PRKCE: variants seen among roughly 807,000 people sequenced by gnomAD.
PRKCE encodes protein kinase C epsilon type.
A neutral mutation model predicts 85.4 loss-of-function variants in PRKCE; 16 were observed. That is an observed-to-expected ratio of 0.19 (90% CI 0.13 to 0.28). The LOEUF is 0.28. Ranked by LOEUF, PRKCE falls within the 10% of genes least tolerant of loss-of-function variation. The pLI is 1.00. For missense variants in PRKCE, 573 were observed against 975.2 expected, an observed-to-expected ratio of 0.59 and a Z score of 5.49; for synonymous variants, 388 against 371.5, an observed-to-expected ratio of 1.04 and a Z score of -0.51.
intron 11 of PRKCE, among the ~76,000 whole-genome samples, chr2:46,103,071 C>T (rs1671390944): frequency 6.6e-6 from 1 of 152,176 alleles, no homozygotes; most frequent in Non-Finnish European, 1.5e-5. Flanking sequence ...GCATTGTCTC[C>T]TCCACCATTA....
chr2:45,700,883 T>A (rs891042975), intron 1 of PRKCE, among the ~76,000 whole-genome samples: 3 of 152,140 alleles, frequency 2.0e-5, no homozygotes, highest in Admixed American at 6.5e-5. Flanking sequence ...GACACAGAGA[T>A]AGGAGCTGTG....
At chr2:46,018,015 A>T (rs1706312805) in intron 10 of PRKCE, among the ~76,000 whole-genome samples, 3 of 152,220 alleles carry the variant, frequency 2.0e-5, no homozygotes, top group Non-Finnish European at 4.4e-5. Context: ...ACACACATGA[A>T]AAAGGGTCTG....
intron 2 of PRKCE, among the ~76,000 whole-genome samples, chr2:45,912,829 C>G (rs569698118): frequency 4.6e-5 from 7 of 152,228 alleles, no homozygotes; most frequent in African/African-American, 1.7e-4. Flanking sequence ...GCCACATGTA[C>G]ATTTGCAGTC....
chr2:45,995,280 TTTTGTTTG>T (rs562638414), intron 6 of PRKCE, among the ~76,000 whole-genome samples: 1 of 152,134 alleles, frequency 6.6e-6, no homozygotes, highest in African/African-American at 2.4e-5. Flanking sequence ...TTTGTTTGTT[TTTTGTTTG>T]TTTGTTTGTT....
intron 1 of PRKCE, among the ~76,000 whole-genome samples, chr2:45,841,121 A>G (rs150315744): frequency 2.6e-5 from 4 of 152,222 alleles, no homozygotes; most frequent in Non-Finnish European, 5.9e-5. Context: ...AGAGAGGTAG[A>G]TGGACAATGT....
At chr2:46,112,579 C>G (rs1251915102) in intron 11 of PRKCE, among the ~76,000 whole-genome samples, 1 of 151,764 alleles carries the variant, frequency 6.6e-6, no homozygotes, top group Non-Finnish European at 1.5e-5. Context: ...GGTACAGTGG[C>G]ACAATCTTGG....
intron 1 of PRKCE, among the ~76,000 whole-genome samples, chr2:45,687,141 C>T (rs918511345): frequency 6.6e-6 from 1 of 151,878 alleles, no homozygotes; most frequent in African/African-American, 2.4e-5. Flanking sequence ...TTCATGGAGC[C>T]CGAGTCCATG....
rs1195168657 is a variant in PRKCE, at chr2:45,652,267, C to T, written c.167C>T (p.Thr56Ile). 1 of 1,613,352 alleles carries T rather than the reference C, an allele frequency of 6.2e-7. No individual in the cohort carries two copies. Among genetic ancestry groups the T allele is most frequent in the South Asian group, 1.1e-5 (1 of 91,072 alleles). Residue 56 changes from threonine (T) to isoleucine (I), a missense_variant, in exon 1 of 15, where the codon ACC (threonine) becomes ATC (isoleucine). Thr to Ile is a moderately conservative substitution (Grantham distance 89). Coordinates refer to ENST00000306156, the MANE Select transcript of PRKCE (RefSeq NM_005400.3). This position sits in a 1 kb window ranked among gnomAD's most constrained non-coding sequence, Gnocchi z 7.7. ...GACTCGCGCATCGGCCAAACGGCCA[C>T]CAAGCAGAAGACCAACAGCCCGGCC... Reference protein sequence around the residue: ...VDDSRIGQTATKQKTNSPAWH... With the variant: ...VDDSRIGQTAIKQKTNSPAWH...
chr2:45,780,904 C>T (rs904047000), intron 1 of PRKCE, among the ~76,000 whole-genome samples: 2 of 152,230 alleles, frequency 1.3e-5, no homozygotes, highest in African/African-American at 4.8e-5. Flanking sequence ...CACTGCTGAG[C>T]CACTGAGGAC....
intron 11 of PRKCE, among the ~76,000 whole-genome samples, chr2:46,114,602 G>A (rs373549469): frequency 6.6e-6 from 1 of 151,490 alleles, no homozygotes; most frequent in South Asian, 2.1e-4. Flanking sequence ...TGTTTTTTTA[G>A]TAGAGATGGA....
At chr2:45,761,460 A>G (rs1684494624) in intron 1 of PRKCE, among the ~76,000 whole-genome samples, 1 of 152,078 alleles carries the variant, frequency 6.6e-6, no homozygotes, top group Admixed American at 6.5e-5. Context: ...TTTACCTACA[A>G]CACTTATGTC....
intron 13 of PRKCE, among the ~76,000 whole-genome samples, chr2:46,154,713 GT>G (rs1185993929): frequency 6.7e-6 from 1 of 150,296 alleles, no homozygotes; most frequent in Admixed American, 6.6e-5. Flanking sequence ...GGTTGACTCA[GT>G]AGCATTTTCT....
intron 2 of PRKCE, among the ~76,000 whole-genome samples, chr2:45,921,734 G>T (rs925302363): frequency 2.0e-5 from 3 of 152,152 alleles, no homozygotes; most frequent in African/African-American, 4.8e-5. Flanking sequence ...AGGGAGGCTG[G>T]GTTGTGGCCC....
intron 14 of PRKCE, among the ~76,000 whole-genome samples, chr2:46,172,234 C>T (rs1227542550): frequency 1.3e-5 from 2 of 152,110 alleles, no homozygotes; most frequent in African/African-American, 2.4e-5. Flanking sequence ...GGCCCTCTTT[C>T]CCCCCAGGCA....
intron 1 of PRKCE, among the ~76,000 whole-genome samples, chr2:45,796,300 T>C (rs1475534041): frequency 6.6e-6 from 1 of 152,214 alleles, no homozygotes; most frequent in Non-Finnish European, 1.5e-5. Flanking sequence ...TCACTAGCTG[T>C]AAGAAACCTT....
Position 46,075,287 on chromosome 2 carries a change from C to T in PRKCE, c.1438-10921C>T, listed in dbSNP as rs1379578159. 4.6e-5 allele frequency among the ~76,000 whole-genome samples: 7 copies of T among 152,056 alleles called. No homozygotes were observed. In the East Asian group the frequency reaches 5.9e-4, roughly 13 times the overall value. The stretch of plus-strand genomic sequence containing the variant: ...TAATCTCCTCGTGATCCGCCCACCT[C>T]GGCCTCCCAAAGTGCTGGGATTACA... On this transcript the variant is annotated intron_variant, in intron 10 of 14. Coordinates refer to ENST00000306156, the MANE Select transcript of PRKCE (RefSeq NM_005400.3).
intron 10 of PRKCE, among the ~76,000 whole-genome samples, chr2:46,028,279 T>C (rs1427493020): frequency 1.3e-5 from 2 of 152,222 alleles, no homozygotes; most frequent in Non-Finnish European, 2.9e-5. Flanking sequence ...TAGCCCAGCC[T>C]CACTCTTTCA....
chr2:45,821,666 G>A (rs1341820157), intron 1 of PRKCE, among the ~76,000 whole-genome samples: 1 of 152,200 alleles, frequency 6.6e-6, no homozygotes, highest in African/African-American at 2.4e-5. Flanking sequence ...GGCCAGGGGA[G>A]CCCGGCCTGA....
chr2:45,679,511 A>C lies in PRKCE; in HGVS notation c.348+27063A>C, dbSNP rs139756831. Among the ~76,000 whole-genome samples the C allele has an allele frequency of 5.3e-5, 8 of 152,308 alleles. No homozygotes were observed. In the East Asian group the frequency reaches 1.5e-3, roughly 29 times the overall value. On this transcript the variant is annotated intron_variant, in intron 1 of 14. Transcript: ENST00000306156. Reference sequence around the variant, plus strand: ...ATATTAAAATCTAAGTCTGTTTATAATAAGTGCCAAGTAGACAATATGGAC... The same window carrying C: ...ATATTAAAATCTAAGTCTGTTTATACTAAGTGCCAAGTAGACAATATGGAC...
Sources: allele counts gnomAD v4.1 joint callset (sites outside exome capture counted in the v4.1 genomes callset), GRCh38; gene constraint gnomAD v4.1.1; non-coding constraint Gnocchi (gnomAD v3.1); transcripts MANE v1.5; gene names NCBI Gene and HGNC (gene_info 2026-07-23, HGNC 2026-07-21).